Variants in CYP27C1 observed in about 807,000 individuals in gnomAD.
CYP27C1 encodes cytochrome P450 27C1.
In CYP27C1, 29 loss-of-function variants were observed where a neutral mutation model predicts 40.6. The observed-to-expected ratio is 0.71, with a 90% CI of 0.53 to 0.97. The LOEUF (loss-of-function observed/expected upper bound fraction) is 0.97, where lower values mean the gene tolerates loss of function less well. Among genes scored for constraint, CYP27C1 ranks in the 50% least tolerant of loss-of-function variants. The pLI is 0.00. For missense variants in CYP27C1, 390 were observed against 485.8 expected (o/e 0.80, Z 1.85); for synonymous variants, 198 against 186.8 (o/e 1.06, Z -0.49).
At position 127,208,852 on chromosome 2, in the gene CYP27C1, C is replaced by G. The variant is rs1176916025; in HGVS notation, c.283-2762G>C. Among the ~76,000 whole-genome samples, 2 of 152,228 alleles carry G rather than the reference C, an allele frequency of 1.3e-5. 1 individual carries two copies. The highest frequency in any genetic ancestry group is 2.9e-5 in the Non-Finnish European group (2 of 68,042). On this transcript the variant is annotated intron_variant, in intron 1 of 8. Transcript: ENST00000664447. The surrounding 1 kb of genome is among the most constrained non-coding windows in gnomAD (Gnocchi z 5.2). Reference sequence around the variant, plus strand: ...AGAGGCTCGGGGACAGAACTCTGATCTCCCTGGGCCTGAGCCCTTGGGGAA... The same window carrying G: ...AGAGGCTCGGGGACAGAACTCTGATGTCCCTGGGCCTGAGCCCTTGGGGAA...
chr2:127,203,935 T>G (rs1229661072), intron 2 of CYP27C1, among the ~76,000 whole-genome samples: 2 of 151,652 alleles, frequency 1.3e-5, no homozygotes, highest in Admixed American at 6.6e-5. Context: ...TATGCATACA[T>G]ATGTATATAT....
chr2:127,202,433 G>A (rs1558929894), intron 3 of CYP27C1, among the ~76,000 whole-genome samples: 1 of 152,184 alleles, frequency 6.6e-6, no homozygotes, highest in Non-Finnish European at 1.5e-5. Context: ...GCCCCAAGAT[G>A]CATTCTTAAG....
Position 127,184,934 on chromosome 2 carries a change from C to T in CYP27C1, c.*2337G>A, listed in dbSNP as rs910431324. 1 of 152,436 alleles carries T rather than the reference C, an allele frequency of 6.6e-6. No individual in the cohort carries two copies. Among genetic ancestry groups the T allele is most frequent in the South Asian group, 2.1e-4 (1 of 4,832 alleles). The allele number at this position is 152,436 out of a possible 1,614,324, so 9.4% of individuals were successfully genotyped here. A position where few individuals can be genotyped will look rare whatever the true frequency, so the allele number is the denominator to read the frequency against. On this transcript the variant is annotated 3_prime_UTR_variant, in exon 9 of 9. Coordinates refer to ENST00000664447, the MANE Select transcript of CYP27C1 (RefSeq NM_001367502.1). ...TCCCAGACTTAAGCAATCCTCCAGC[C>T]TCAGCCTCCCAAATAGCTAGGACTA... is the stretch of plus-strand genomic sequence containing the variant.
In CYP27C1 at chr2:127,193,784, C is replaced by G; in HGVS notation, c.1293+5G>C. ...GCCTGGCCACCCCCATGGCCCCAAA[C>G]TCACGCCTTTCGGAATCAGATACCC... On this transcript the variant is annotated splice_donor_5th_base_variant and intron_variant, in intron 7 of 8. Transcript: ENST00000664447. 1 of 1,614,196 alleles carries G rather than the reference C, an allele frequency of 6.2e-7. No individual in the cohort carries two copies. Among genetic ancestry groups the G allele is most frequent in the Non-Finnish European group, 8.5e-7 (1 of 1,180,026 alleles).
At chr2:127,199,020 C>G (rs906003896) in intron 5 of CYP27C1, among the ~76,000 whole-genome samples, 3 of 152,246 alleles carry the variant, frequency 2.0e-5, no homozygotes, top group Non-Finnish European at 4.4e-5. Context: ...CGCAGTGGCT[C>G]ATGCCTGTAA....
In CYP27C1 at chr2:127,205,880, G is replaced by T; in HGVS notation, c.473+20C>A. On this transcript the variant is annotated intron_variant, in intron 2 of 8. Transcript: ENST00000664447. The stretch of plus-strand genomic sequence containing the variant: ...AGCTCCCCCTCCAGCCCGTGGCTCA[G>T]CCCGGGCCCACATACTCACGCCGAG... 1 of 446,942 alleles carries T rather than the reference G, an allele frequency of 2.2e-6. No homozygotes were observed. Among genetic ancestry groups the T allele is most frequent in the Non-Finnish European group, 3.0e-6 (1 of 337,526 alleles). 27.7% of individuals were successfully genotyped at this position (446,942 alleles called of 1,614,324 possible). A position where few individuals can be genotyped will look rare whatever the true frequency, so the allele number is the denominator to read the frequency against.
At chr2:127,188,435 G>A (rs925269950) in intron 8 of CYP27C1, among the ~76,000 whole-genome samples, 1 of 152,040 alleles carries the variant, frequency 6.6e-6, no homozygotes, top group Non-Finnish European at 1.5e-5. Context: ...ACAAAGACTC[G>A]TTTTGTTGCC....
rs1239967150 is a variant in CYP27C1 at position 127,185,147 on chromosome 2, T to C, written c.*2124A>G. ...CATGGAGTTTTGACATCTCCCTGTA[T>C]ACCACATATTTCCTATAAACCAGTA... On this transcript the variant is annotated 3_prime_UTR_variant, in exon 9 of 9. Transcript: ENST00000664447. This position sits in a 1 kb window ranked among gnomAD's most constrained non-coding sequence, Gnocchi z 4.9. 1 of 152,302 alleles carries C rather than the reference T, an allele frequency of 6.6e-6. No homozygotes were observed. Among genetic ancestry groups the C allele is most frequent in the Non-Finnish European group, 1.5e-5 (1 of 68,110 alleles). 9.4% of individuals were successfully genotyped at this position (152,302 alleles called of 1,614,324 possible). A position where few individuals can be genotyped will look rare whatever the true frequency, so the allele number is the denominator to read the frequency against.
At position 127,213,166 on chromosome 2, in the gene CYP27C1, G is replaced by A. The variant is rs149800809; in HGVS notation, c.282+6823C>T. ...CAAACCACTGCTCAAGAAAATAAGA[G>A]AGGACACAAACAAATGGAAAAACAT... On this transcript the variant is annotated intron_variant, in intron 1 of 8. Coordinates refer to ENST00000664447, the MANE Select transcript of CYP27C1 (RefSeq NM_001367502.1). Among the ~76,000 whole-genome samples, 44 of 152,228 alleles carry A rather than the reference G, an allele frequency of 2.9e-4. 1 individual carries two copies. In the East Asian group the frequency reaches 8.1e-3, roughly 28 times the overall value.
In CYP27C1 at chr2:127,200,170, C is replaced by G. The variant is rs956571237; in HGVS notation, c.884-631G>C. ...AATTTTTGTATTTTTAGTAGAGACG[C>G]AGTTTCGCCATGTTGGCCAGGCTGG... On this transcript the variant is annotated intron_variant, in intron 4 of 8. Transcript: ENST00000664447. The surrounding 1 kb of genome is among the most constrained non-coding windows in gnomAD (Gnocchi z 4.2). Among the ~76,000 whole-genome samples, 31 of 152,270 alleles carry G rather than the reference C, an allele frequency of 2.0e-4. No individual in the cohort carries two copies. Among genetic ancestry groups the G allele is most frequent in the Non-Finnish European group, 3.4e-4 (23 of 68,012 alleles).
rs1683493677 is a variant in CYP27C1 at position 127,218,872 on chromosome 2, C to G, written c.282+1117G>C. Among the ~76,000 whole-genome samples the G allele has an allele frequency of 6.6e-6, 1 of 152,212 alleles. No individual in the cohort carries two copies. ...TGGGCGAAGGCATCGGAGGGCGCCG[C>G]CGCGGCTCGGGTGCAGTGCCCCTGC... On this transcript the variant is annotated intron_variant, in intron 1 of 8. Transcript: ENST00000664447. This position sits in a 1 kb window ranked among gnomAD's most constrained non-coding sequence, Gnocchi z 6.0.
At chr2:127,187,768 T>C (rs1410848924) in intron 8 of CYP27C1, among the ~76,000 whole-genome samples, 2 of 152,200 alleles carry the variant, frequency 1.3e-5, no homozygotes, top group Non-Finnish European at 2.9e-5. Context: ...CAAAGTGAAA[T>C]TCCGGGTTTC....
chr2:127,201,123 G>A lies in CYP27C1; in HGVS notation c.882C>T (p.Phe294=), dbSNP rs1400637991. The A allele has an allele frequency of 6.2e-7, 1 of 1,612,536 alleles. No homozygotes were observed. Among genetic ancestry groups the A allele is most frequent in the African/African-American group, 1.3e-5 (1 of 75,006 alleles). The stretch of plus-strand genomic sequence containing the variant: ...AGGTGCTCTCAATTCTTCTCTTACT[G>A]AATTTGAAGAGTCCATCCCAGGACC... ...FCRSWDGLFK[F]SQIHVDNKLR... The change falls in exon 4 of 9, where the codon TTC becomes TTT. Residue 294 remains phenylalanine, a splice_region_variant and synonymous_variant. Coordinates refer to ENST00000664447, the MANE Select transcript of CYP27C1 (RefSeq NM_001367502.1). The surrounding 1 kb of genome is among the most constrained non-coding windows in gnomAD (Gnocchi z 6.0).
At chr2:127,204,474 A>G (rs1340245317) in intron 2 of CYP27C1, among the ~76,000 whole-genome samples, 53 of 68,716 alleles carry the variant, frequency 7.7e-4, no homozygotes, top group Admixed American at 1.1e-3. Context: ...GAAAGAAAGA[A>G]AGAAAGAAAG....
rs1257295183 is a variant in CYP27C1, at chr2:127,187,154, T to C, written c.*117A>G. ...TCCCAGGACCTGGGAGGCCAGTCTA[T>C]AACAAGACAGCCTTTAGCGACATCG... On this transcript the variant is annotated 3_prime_UTR_variant, in exon 9 of 9. Coordinates refer to ENST00000664447, the MANE Select transcript of CYP27C1 (RefSeq NM_001367502.1). 2.4e-6 allele frequency: 2 copies of C among 844,696 alleles called. No homozygotes were observed. Among genetic ancestry groups the C allele is most frequent in the African/African-American group, 1.7e-5 (1 of 59,046 alleles). The allele number at this position is 844,696 out of a possible 1,614,324, so 52.3% of individuals were successfully genotyped here. A position where few individuals can be genotyped will look rare whatever the true frequency, so the allele number is the denominator to read the frequency against.
chr2:127,210,931 C>T (rs945562104), intron 1 of CYP27C1, among the ~76,000 whole-genome samples: 1 of 152,018 alleles, frequency 6.6e-6, no homozygotes, highest in Non-Finnish European at 1.5e-5. Context: ...ACTTTAACAC[C>T]CCACTGTCAA....
chr2:127,216,341 C>A (rs535506082), intron 1 of CYP27C1, among the ~76,000 whole-genome samples: 1 of 152,282 alleles, frequency 6.6e-6, no homozygotes, highest in African/African-American at 2.4e-5. Flanking sequence ...TAGTCATACG[C>A]TGCAATATTA....
chr2:127,204,493 G>A (rs200541036), intron 2 of CYP27C1, among the ~76,000 whole-genome samples: 8,577 of 36,218 alleles, frequency 0.24, 1,389 homozygotes, highest in East Asian at 0.5. Flanking sequence ...AGAAAGGAAG[G>A]AAGGAAGGAA....
chr2:127,213,777 C>T (rs1683377876), intron 1 of CYP27C1, among the ~76,000 whole-genome samples: 1 of 152,130 alleles, frequency 6.6e-6, no homozygotes, highest in Admixed American at 6.6e-5. Flanking sequence ...CTGATGAAGA[C>T]ACCAAAAGCA....
Sources: allele counts gnomAD v4.1 joint callset (sites outside exome capture counted in the v4.1 genomes callset), GRCh38; gene constraint gnomAD v4.1.1; non-coding constraint Gnocchi (gnomAD v3.1); transcripts MANE v1.5; gene names NCBI Gene and HGNC (gene_info 2026-07-23, HGNC 2026-07-21).